LIMK2: variants seen among roughly 807,000 people sequenced by gnomAD.
The protein encoded by LIMK2 is LIM domain kinase 2.
A neutral mutation model predicts 75.7 loss-of-function variants in LIMK2; 35 were observed. The ratio of observed to expected loss-of-function variants is 0.46; its 90% CI spans 0.35 to 0.61. The LOEUF is 0.61. Among genes scored for constraint, LIMK2 ranks in the 20% least tolerant of loss-of-function variants. The pLI is 0.00. For synonymous variants in LIMK2, 301 were observed against 319.2 expected (o/e 0.94, Z 0.61); for missense variants, 623 against 831.0 (o/e 0.75, Z 3.08).
intron 1 of LIMK2, among the ~76,000 whole-genome samples, chr22:31,223,008 C>T (rs1038480450): frequency 6.6e-6 from 1 of 152,134 alleles, no homozygotes; most frequent in Non-Finnish European, 1.5e-5. Flanking sequence ...CCGAGTAGCC[C>T]AGCCTTTGTT....
chr22:31,235,499 C>T (rs934483768), intron 2 of LIMK2, among the ~76,000 whole-genome samples: 15 of 152,198 alleles, frequency 9.9e-5, no homozygotes, highest in African/African-American at 3.6e-4. Flanking sequence ...CTGCACTTCT[C>T]TGTAGCTACA....
chr22:31,243,313 T>C (rs1317672113), intron 2 of LIMK2, among the ~76,000 whole-genome samples: 2 of 152,110 alleles, frequency 1.3e-5, no homozygotes, highest in Non-Finnish European at 2.9e-5. Context: ...GGTTAGTAGA[T>C]GGGGGTGGTA....
rs140604561 is a variant in LIMK2, at chr22:31,277,061, A to G, written c.1773-1236A>G. On this transcript the variant is annotated intron_variant, in intron 15 of 15. Coordinates refer to ENST00000331728, the MANE Select transcript of LIMK2 (RefSeq NM_005569.4). ...AAGGAGCTGCTGGTTGACTGTTACA[A>G]ACCCACAGAGGCCTTCATCTCTGGC... is the stretch of plus-strand genomic sequence containing the variant. 1.9e-5 allele frequency: 31 copies of G among 1,613,790 alleles called. No individual in the cohort carries two copies. Among genetic ancestry groups the G allele is most frequent in the African/African-American group, 1.7e-4 (13 of 74,874 alleles).
chr22:31,277,415 TCAA>T lies in LIMK2; in HGVS notation c.1773-881_1773-879del. The T allele has an allele frequency of 8.3e-6, 8 of 965,168 alleles. No homozygotes were observed. In the South Asian group the frequency reaches 1.2e-4, roughly 15 times the overall value. 59.8% of individuals were successfully genotyped at this position (965,168 alleles called of 1,614,324 possible). ...AGGTAGGGTACGCCTTTGGTGCAGC[TCAA>T]AAAAAAAAAAAAAAATGATTTCCAG... On this transcript the variant is annotated intron_variant, in intron 15 of 15. Coordinates refer to ENST00000331728, the MANE Select transcript of LIMK2 (RefSeq NM_005569.4).
intron 1 of LIMK2, among the ~76,000 whole-genome samples, chr22:31,217,401 A>G (rs1365201495): frequency 7.1e-6 from 1 of 141,168 alleles, no homozygotes; most frequent in Non-Finnish European, 1.6e-5. Flanking sequence ...CGTCTCAGAA[A>G]AAAAAAAAAA....
intron 1 of LIMK2, among the ~76,000 whole-genome samples, chr22:31,218,973 A>T (rs2048410773): frequency 6.6e-6 from 1 of 152,228 alleles, no homozygotes; most frequent in Admixed American, 6.5e-5. Context: ...TTTGAAGCCT[A>T]AAAAGGACTC....
intron 2 of LIMK2, among the ~76,000 whole-genome samples, chr22:31,253,839 G>C (rs1169062167): frequency 6.6e-6 from 1 of 152,250 alleles, no homozygotes; most frequent in Non-Finnish European, 1.5e-5. Flanking sequence ...ATAGGACCTG[G>C]ATTATGGCTG....
At chr22:31,227,250 A>C (rs1308961478) in intron 2 of LIMK2, among the ~76,000 whole-genome samples, 1 of 152,216 alleles carries the variant, frequency 6.6e-6, no homozygotes, top group Admixed American at 6.5e-5. Flanking sequence ...CTGAAGTGGT[A>C]GGGCTGTGCC....
At chr22:31,277,212 T>TA (rs2049038924) in intron 15 of LIMK2, 1 of 1,602,940 alleles carries the variant, frequency 6.2e-7, no homozygotes, top group South Asian at 1.1e-5. Context: ...GCAACAGCAA[T>TA]ACCGGGGGAC....
chr22:31,259,168 C>T lies in LIMK2; in HGVS notation c.300C>T (p.Ser100=). 1 of 1,613,874 alleles carries T rather than the reference C, an allele frequency of 6.2e-7. No individual in the cohort carries two copies. The highest frequency in any genetic ancestry group is 1.1e-5 in the South Asian group (1 of 91,068). ...KYHPECFACM[S]CKVIIEDGDA... Reference sequence around the variant, plus strand: ...ACCCAGAGTGCTTTGCCTGTATGAGCTGCAAGGTGATCATTGAGGATGGGG... The same window carrying T: ...ACCCAGAGTGCTTTGCCTGTATGAGTTGCAAGGTGATCATTGAGGATGGGG... Residue 100 remains serine (S), a synonymous_variant, in exon 4 of 16, where the codon AGC becomes AGT. Transcript: ENST00000331728.
intron 3 of LIMK2, chr22:31,258,883 A>G: frequency 2.1e-6 from 1 of 475,336 alleles, no homozygotes; most frequent in South Asian, 2.4e-5. Context: ...AGTGGGGATG[A>G]TTACTTCTGG....
At chr22:31,271,032 G>T (rs980356233) in intron 11 of LIMK2, 104 bp from the exon 12 acceptor site, 3 of 1,009,500 alleles carry the variant, frequency 3.0e-6, no homozygotes, top group Non-Finnish European at 4.7e-6. Context: ...TTCTGAAGCT[G>T]GGTGGGCATG....
intron 1 of LIMK2, among the ~76,000 whole-genome samples, chr22:31,217,452 C>T (rs1197251844): frequency 6.6e-6 from 1 of 151,488 alleles, no homozygotes; most frequent in African/African-American, 2.4e-5. Context: ...AATCCCAGCT[C>T]AAACATTTAT....
intron 2 of LIMK2, among the ~76,000 whole-genome samples, chr22:31,246,788 C>T (rs746670633): frequency 6.6e-6 from 1 of 151,876 alleles, no homozygotes; most frequent in Non-Finnish European, 1.5e-5. Flanking sequence ...AAAAAAACAC[C>T]CTCACCACTT....
chr22:31,263,526 A>C (rs982584288), intron 7 of LIMK2, among the ~76,000 whole-genome samples: 1 of 152,190 alleles, frequency 6.6e-6, no homozygotes, highest in Non-Finnish European at 1.5e-5. Flanking sequence ...TAAACGTGAC[A>C]CATTCTTAGT....
rs2048810634 is a variant in LIMK2, at chr22:31,258,878, G to A, written c.253-243G>A. 6.8e-5 allele frequency: 32 copies of A among 467,594 alleles called. No individual in the cohort carries two copies. The South Asian group carries it at 7.6e-4, about 11-fold the overall frequency. 29.0% of individuals were successfully genotyped at this position (467,594 alleles called of 1,614,324 possible). A position where few individuals can be genotyped will look rare whatever the true frequency, so the allele number is the denominator to read the frequency against. ...TGGAAGAACTGATCTTTTTTAGTGGGGATGATTACTTCTGGGGATTTCTTC... is the reference window on the plus strand; with the variant it reads ...TGGAAGAACTGATCTTTTTTAGTGGAGATGATTACTTCTGGGGATTTCTTC... On this transcript the variant is annotated intron_variant, in intron 3 of 15. Transcript: ENST00000331728.
intron 5 of LIMK2, among the ~76,000 whole-genome samples, chr22:31,261,692 T>C (rs1332281438): frequency 6.6e-6 from 1 of 152,094 alleles, no homozygotes; most frequent in Non-Finnish European, 1.5e-5. Flanking sequence ...TGCTTGAGCC[T>C]GGGAGGTGGA....
chr22:31,271,347 G>GC lies in LIMK2; in HGVS notation c.1383+149dup, dbSNP rs1263307148. ...TCTTTCCCTTCCTGCTTCTTCCAAT[G>GC]CCCTTCTCTGTCCTCTGGGAGCTCC... On this transcript the variant is annotated intron_variant, in intron 12 of 15. Transcript: ENST00000331728. 3 of 694,908 alleles carry GC rather than the reference G, an allele frequency of 4.3e-6. No individual in the cohort carries two copies. In the East Asian group the frequency reaches 7.9e-5, roughly 18 times the overall value. The allele number at this position is 694,908 out of a possible 1,614,324, so 43.0% of individuals were successfully genotyped here.
intron 14 of LIMK2, 115 bp from the exon 15 acceptor site, chr22:31,275,036 T>G: frequency 9.9e-7 from 1 of 1,009,948 alleles, no homozygotes; most frequent in Non-Finnish European, 1.5e-6. Flanking sequence ...CTCTAACCTA[T>G]TTTACCACCT....
Sources: allele counts gnomAD v4.1 joint callset (sites outside exome capture counted in the v4.1 genomes callset), GRCh38; gene constraint gnomAD v4.1.1; transcripts MANE v1.5; gene names NCBI Gene and HGNC (gene_info 2026-07-23, HGNC 2026-07-21).